ZFYVE21: variants seen among roughly 807,000 people sequenced by gnomAD.
ZFYVE21 encodes zinc finger FYVE-type containing 21.
A neutral mutation model predicts 29.5 loss-of-function variants in ZFYVE21; 21 were observed. That is an observed-to-expected ratio of 0.71 (90% CI 0.50 to 1.02). ZFYVE21 has a LOEUF of 1.02. Among genes scored for constraint, ZFYVE21 ranks in the 50% least tolerant of loss-of-function variants. The pLI, the probability that ZFYVE21 is intolerant of heterozygous loss-of-function variation, is 0.00. For synonymous variants in ZFYVE21, 151 were observed against 133.8 expected (o/e 1.13, Z -0.89); for missense variants, 326 against 335.4 (o/e 0.97, Z 0.22).
chr14:103,728,832 CCTA>C (rs1259389645), intron 3 of ZFYVE21, 73 bp from the exon 4 acceptor site: 2 of 1,433,926 alleles, frequency 1.4e-6, no homozygotes, highest in African/African-American at 2.8e-5. Flanking sequence ...GCGTGCGTCT[CCTA>C]CTGGTACTCG....
Position 103,727,547 on chromosome 14 carries a change from C to T in ZFYVE21, c.190-199C>T, listed in dbSNP as rs758153956. 12 of 728,532 alleles carry T rather than the reference C, an allele frequency of 1.6e-5. No individual in the cohort carries two copies. The Admixed American group carries it at 1.8e-4, about 11-fold the overall frequency. 45.1% of individuals were successfully genotyped at this position (728,532 alleles called of 1,614,324 possible). ...TGATCCATGATTTTGAAAAAAGGGCCTCATTTCCCAGGTGAGGCGGATCCC... is the reference window on the plus strand; with the variant it reads ...TGATCCATGATTTTGAAAAAAGGGCTTCATTTCCCAGGTGAGGCGGATCCC... On this transcript the variant is annotated intron_variant, in intron 2 of 6. Coordinates refer to ENST00000311141, the MANE Select transcript of ZFYVE21 (RefSeq NM_024071.4).
Position 103,718,549 on chromosome 14 carries a change from GT to G in ZFYVE21, c.138+2571del, listed in dbSNP as rs1256178548. On this transcript the variant is annotated intron_variant, in intron 1 of 6. Transcript: ENST00000311141. ...AGGCAGAGGCGGCGTGTAAAGCTTC[GT>G]GCGACACCACTTTGGATAGAGGTGC... Among the ~76,000 whole-genome samples the G allele has an allele frequency of 2.6e-5, 4 of 152,150 alleles. No homozygotes were observed. In the East Asian group the frequency reaches 7.7e-4, roughly 29 times the overall value.
chr14:103,727,869 A>T lies in ZFYVE21; in HGVS notation c.313A>T (p.Lys105Ter). 6.2e-7 allele frequency: 1 copy of T among 1,613,122 alleles called. No homozygotes were observed. The highest frequency in any genetic ancestry group is 1.1e-5 in the South Asian group (1 of 91,072). The change falls in exon 3 of 7, where the codon AAG becomes TAG. Residue 105 changes from lysine (K) to a stop codon, truncating the protein, a stop_gained. Coordinates refer to ENST00000311141, the MANE Select transcript of ZFYVE21 (RefSeq NM_024071.4). LOFTEE classifies it high-confidence loss of function. Reference sequence around the variant, plus strand: ...CGCGGAGTGCGCCCTCGTGTCCCTCAAGGAGGCGGAGTTCTACGACAAGCA... The same window carrying T: ...CGCGGAGTGCGCCCTCGTGTCCCTCTAGGAGGCGGAGTTCTACGACAAGCA... ...QCAECALVSL[K>*]EAEFYDKQLK... is the part of the protein sequence containing the mutation.
In ZFYVE21 at chr14:103,716,028, C is replaced by T; in HGVS notation, c.138+49C>T. Reference sequence around the variant, plus strand: ...GCGCCTCCGACCCGCCCCGCCGCCCCGGCCCGGCCCCGCGGGCTTCCAGGC... The same window carrying T: ...GCGCCTCCGACCCGCCCCGCCGCCCTGGCCCGGCCCCGCGGGCTTCCAGGC... On this transcript the variant is annotated intron_variant, in intron 1 of 6. Coordinates refer to ENST00000311141, the MANE Select transcript of ZFYVE21 (RefSeq NM_024071.4). This position sits in a 1 kb window ranked among gnomAD's most constrained non-coding sequence, Gnocchi z 4.8. 6 of 1,185,396 alleles carry T rather than the reference C, an allele frequency of 5.1e-6. No individual in the cohort carries two copies. Among genetic ancestry groups the T allele is most frequent in the Non-Finnish European group, 5.2e-6 (5 of 955,618 alleles). The allele number at this position is 1,185,396 out of a possible 1,614,324, so 73.4% of individuals were successfully genotyped here.
chr14:103,727,918 A>G lies in ZFYVE21; in HGVS notation c.358+4A>G. The G allele has an allele frequency of 6.2e-7, 1 of 1,610,066 alleles. No homozygotes were observed. The highest frequency in any genetic ancestry group is 8.5e-7 in the Non-Finnish European group (1 of 1,177,782). ...CAGCTCAAAGTGCTCCTGAGCGGTAAGGACGGGTGTCCTGCACAGTCCCGC... is the reference window on the plus strand; with the variant it reads ...CAGCTCAAAGTGCTCCTGAGCGGTAGGGACGGGTGTCCTGCACAGTCCCGC... On this transcript the variant is annotated splice_donor_region_variant and intron_variant, in intron 3 of 6. Transcript: ENST00000311141.
chr14:103,718,183 A>G (rs1448062612), intron 1 of ZFYVE21, among the ~76,000 whole-genome samples: 2 of 152,134 alleles, frequency 1.3e-5, no homozygotes, highest in African/African-American at 4.8e-5. Flanking sequence ...GGTGGGTAAC[A>G]TTGTCCTTGG....
Position 103,727,886 on chromosome 14 carries a change from C to G in ZFYVE21, c.330C>G (p.Tyr110Ter). Residue 110 changes from tyrosine to a stop codon, truncating the protein, a stop_gained, in exon 3 of 7, where the codon TAC (tyrosine) becomes TAG (stop). Coordinates refer to ENST00000311141, the MANE Select transcript of ZFYVE21 (RefSeq NM_024071.4). LOFTEE classifies it high-confidence loss of function. ...ALVSLKEAEFYDKQLKVLLSG... is the reference protein window; with the variant it reads ...ALVSLKEAEF ...TGTCCCTCAAGGAGGCGGAGTTCTA[C>G]GACAAGCAGCTCAAAGTGCTCCTGA... is the stretch of plus-strand genomic sequence containing the variant. 1.2e-6 allele frequency: 2 copies of G among 1,612,838 alleles called. No individual in the cohort carries two copies. Among genetic ancestry groups the G allele is most frequent in the Non-Finnish European group, 1.7e-6 (2 of 1,179,594 alleles).
intron 5 of ZFYVE21, chr14:103,730,032 T>C (rs759562722): frequency 1.5e-6 from 1 of 650,360 alleles, no homozygotes. Flanking sequence ...TAAATGAAGA[T>C]ACCGCAGCAG....
Position 103,718,989 on chromosome 14 carries a change from C to T in ZFYVE21, c.138+3010C>T, listed in dbSNP as rs559910827. Reference sequence around the variant, plus strand: ...GGGACCCTGAGTTCTGCGAGGGTCTCACAGGCCAGGCCGGACAGGGCTTTT... The same window carrying T: ...GGGACCCTGAGTTCTGCGAGGGTCTTACAGGCCAGGCCGGACAGGGCTTTT... On this transcript the variant is annotated intron_variant, in intron 1 of 6. Transcript: ENST00000311141. Among the ~76,000 whole-genome samples the T allele has an allele frequency of 3.3e-5, 5 of 152,314 alleles. No individual in the cohort carries two copies. In the East Asian group the frequency reaches 5.8e-4, roughly 18 times the overall value.
At position 103,732,712 on chromosome 14, in the gene ZFYVE21, G is replaced by C. The variant is rs761826348; in HGVS notation, c.619G>C (p.Val207Leu). The C allele has an allele frequency of 3.1e-6, 5 of 1,613,714 alleles. No homozygotes were observed. In the Admixed American group the frequency reaches 6.7e-5, roughly 22 times the overall value. The part of the protein sequence containing the change: ...TQLKLTVVED[V>L]TVGRRQAVAW... ...GCTGAAGCTGACAGTGGTGGAGGACGTGACTGTGGGCAGGAGGCAGGCGGT... is the reference window on the plus strand; with the variant it reads ...GCTGAAGCTGACAGTGGTGGAGGACCTGACTGTGGGCAGGAGGCAGGCGGT... Residue 207 changes from valine (V) to leucine (L), a missense_variant, in exon 6 of 7, where the codon GTG (valine) becomes CTG (leucine). By Grantham distance (32) the Val-to-Leu change is conservative. Coordinates refer to ENST00000311141, the MANE Select transcript of ZFYVE21 (RefSeq NM_024071.4).
At chr14:103,730,268 T>C (rs1247425806) in intron 5 of ZFYVE21, 5 of 206,600 alleles carry the variant, frequency 2.4e-5, no homozygotes, top group Admixed American at 5.6e-5. Flanking sequence ...GCCTCCTGGA[T>C]GGTGAGGTGA....
intron 1 of ZFYVE21, among the ~76,000 whole-genome samples, chr14:103,723,936 G>A (rs2083897358): frequency 6.6e-6 from 1 of 152,170 alleles, no homozygotes; most frequent in South Asian, 2.1e-4. Context: ...AGGGTGGCGG[G>A]GACATGGTGA....
At chr14:103,724,666 C>T (rs1229773925) in intron 1 of ZFYVE21, 1 of 152,192 alleles carries the variant, frequency 6.6e-6, no homozygotes, top group African/African-American at 2.4e-5. Context: ...AATATTCAGC[C>T]GAGCCCTTAA....
Position 103,733,074 on chromosome 14 carries a change from A to C in ZFYVE21, c.*56A>C. 6.2e-7 allele frequency: 1 copy of C among 1,610,928 alleles called. No homozygotes were observed. Among genetic ancestry groups the C allele is most frequent in the Non-Finnish European group, 8.5e-7 (1 of 1,177,198 alleles). On this transcript the variant is annotated 3_prime_UTR_variant, in exon 7 of 7. Coordinates refer to ENST00000311141, the MANE Select transcript of ZFYVE21 (RefSeq NM_024071.4). ...TGGTCACCAGGACTGAGTCGCTTGG[A>C]ACAGCAGAGCCTGCTCCTTGCGTAC...
chr14:103,722,408 G>A (rs1324895742), intron 1 of ZFYVE21, among the ~76,000 whole-genome samples: 4 of 141,688 alleles, frequency 2.8e-5, no homozygotes, highest in African/African-American at 8.0e-5. Flanking sequence ...AGGCTGGAGT[G>A]CAATGGCATG....
chr14:103,719,652 G>A (rs540113635), intron 1 of ZFYVE21, among the ~76,000 whole-genome samples: 26 of 152,032 alleles, frequency 1.7e-4, no homozygotes, highest in Non-Finnish European at 3.4e-4. Context: ...CACACTGCAG[G>A]GTGGGGGGTT....
At chr14:103,728,808 ACTCTGTC>A (rs1191426674) in intron 3 of ZFYVE21, 93 bp from the exon 4 acceptor site, 20 of 1,165,310 alleles carry the variant, frequency 1.7e-5, no homozygotes, top group Non-Finnish European at 1.0e-5. Context: ...TGCTGTTTTT[ACTCTGTC>A]CTCTGTGCGT....
At chr14:103,726,518 G>A (rs1330126997) in intron 1 of ZFYVE21, 11 of 429,110 alleles carry the variant, frequency 2.6e-5, no homozygotes, top group East Asian at 4.4e-5. Context: ...GCTCTGCTGC[G>A]AGACAGTCAA....
intron 5 of ZFYVE21, chr14:103,731,398 G>A (rs564343964): frequency 1.4e-5 from 2 of 148,094 alleles, no homozygotes; most frequent in South Asian, 2.1e-4. Flanking sequence ...TTGGGAGTTC[G>A]AAACCAGCCT....
Sources: gnomAD v4.1 joint callset for allele counts (sites outside exome capture counted in the v4.1 genomes callset) on GRCh38, gnomAD v4.1.1 for gene constraint, Gnocchi (gnomAD v3.1) non-coding constraint, MANE v1.5 for transcripts, NCBI Gene and HGNC (gene_info 2026-07-23, HGNC 2026-07-21) for gene names.